Variants in DSE observed in about 807,000 individuals in gnomAD.
DSE encodes dermatan sulfate epimerase.
Under a neutral mutation model 84.4 loss-of-function variants are expected in DSE, and 36 were observed. That is an observed-to-expected ratio of 0.43 (90% confidence interval 0.33 to 0.56). The LOEUF (loss-of-function observed/expected upper bound fraction) is 0.56, where lower values mean the gene tolerates loss of function less well. Ranked by LOEUF, DSE falls within the 20% of genes least tolerant of loss-of-function variation. DSE has a pLI of 0.06. For missense variants in DSE, 862 were observed against 1,169.6 expected (o/e 0.74, Z 3.84); for synonymous variants, 410 against 430.1 (o/e 0.95, Z 0.58).
intron 2 of DSE, 44 bp from the exon 3 acceptor site, chr6:116,426,530 G>A (rs144852407): frequency 2.0e-5 from 32 of 1,593,854 alleles, no homozygotes; most frequent in Middle Eastern, 1.7e-4. Flanking sequence ...GGTGAAAGCT[G>A]TGAGTCTGAT....
At chr6:116,370,494 C>T (rs907343053), upstream of DSE, 3 of 986,384 alleles carry the variant, frequency 3.0e-6, no homozygotes, top group African/African-American at 1.7e-5. Context: ...GGCACCAGTC[C>T]CGGTAGTAAG....
At position 116,437,171 on chromosome 6, in the gene DSE, C is replaced by T; in HGVS notation, c.2703C>T (p.Thr901=). ...SRAPSLSASY[T]RLFLILNIAI... ...CCCCATCACTGTCTGCTTCCTATAC[C>T]AGGTTGTTCCTGATTCTGAACATTG... Residue 901 remains threonine, a synonymous_variant, in exon 6 of 6, where the codon ACC becomes ACT. Transcript: ENST00000644252. 6.2e-7 allele frequency: 1 copy of T among 1,614,118 alleles called. No individual in the cohort carries two copies. The highest frequency in any genetic ancestry group is 8.5e-7 in the Non-Finnish European group (1 of 1,180,004).
At position 116,259,045 on chromosome 6, in the gene DSE, C is replaced by T. The variant is rs905064106; in HGVS notation, c.-54+78C>T. 7.1e-6 allele frequency: 11 copies of T among 1,543,634 alleles called. No individual in the cohort carries two copies. In the Admixed American group the frequency reaches 1.2e-4, roughly 17 times the overall value. On this transcript the variant is annotated intron_variant, in intron 2 of 3. Transcript: ENST00000430252. ...GTCACTGATGTGCACATCATCAGTGCTCCACTTCCCAAAGAGCTTGATGTC... is the reference window on the plus strand; with the variant it reads ...GTCACTGATGTGCACATCATCAGTGTTCCACTTCCCAAAGAGCTTGATGTC...
At chr6:116,360,999 A>G (rs1363397306) in intron 2 of DSE, among the ~76,000 whole-genome samples, 2 of 152,166 alleles carry the variant, frequency 1.3e-5, no homozygotes, top group Non-Finnish European at 2.9e-5. Flanking sequence ...TATAATTTTT[A>G]TCATAGAGCC....
chr6:116,413,189 CATATATAA>C (rs1399972545), intron 2 of DSE, among the ~76,000 whole-genome samples: 2 of 152,140 alleles, frequency 1.3e-5, no homozygotes, highest in African/African-American at 4.8e-5. Flanking sequence ...TTCAACTTTA[CATATATAA>C]ATATATAAAT....
At chr6:116,395,219 A>C (rs1469942600) in intron 1 of DSE, among the ~76,000 whole-genome samples, 2 of 151,818 alleles carry the variant, frequency 1.3e-5, no homozygotes, top group Non-Finnish European at 2.9e-5. Flanking sequence ...AGGTCAAGAG[A>C]GCGAGACCAT....
intron 2 of DSE, among the ~76,000 whole-genome samples, chr6:116,411,647 T>A (rs922675539): frequency 1.3e-5 from 2 of 152,198 alleles, no homozygotes; most frequent in African/African-American, 4.8e-5. Flanking sequence ...AAATAAAATC[T>A]GTATGTATTG....
intron 2 of DSE, among the ~76,000 whole-genome samples, chr6:116,289,464 A>G (rs1774145191): frequency 6.6e-6 from 1 of 152,022 alleles, no homozygotes; most frequent in Admixed American, 6.6e-5. Flanking sequence ...TTTTTTAGGT[A>G]GTATTTAGAT....
intron 2 of DSE, among the ~76,000 whole-genome samples, chr6:116,346,371 T>C (rs1777969950): frequency 6.6e-6 from 1 of 152,134 alleles, no homozygotes; most frequent in Admixed American, 6.5e-5. Flanking sequence ...AAATCCTCAA[T>C]AAAATACTGG....
At chr6:116,278,449 A>C in intron 2 of DSE, 1 of 1,607,214 alleles carries the variant, frequency 6.2e-7, no homozygotes, top group Non-Finnish European at 8.5e-7. Flanking sequence ...CTCATTGCTG[A>C]TGCCCAAGCA....
chr6:116,280,100 AT>A (rs1293174585), intron 2 of DSE: 12 of 544,200 alleles, frequency 2.2e-5, no homozygotes, highest in Admixed American at 2.1e-4. Flanking sequence ...ATAAATGTCG[AT>A]TGTGCTGAGT....
intron 2 of DSE, among the ~76,000 whole-genome samples, chr6:116,298,546 C>T (rs547032378): frequency 6.6e-5 from 10 of 152,168 alleles, no homozygotes; most frequent in Non-Finnish European, 1.2e-4. Flanking sequence ...GGATTACCCT[C>T]TAGAGGTTCC....
chr6:116,269,023 A>AG (rs1197012436), intron 2 of DSE, among the ~76,000 whole-genome samples: 1 of 151,612 alleles, frequency 6.6e-6, no homozygotes, highest in East Asian at 1.9e-4. Flanking sequence ...TACTTTAAAA[A>AG]AAAAAAGAAA....
chr6:116,369,276 C>T (rs1029880583), upstream of DSE, among the ~76,000 whole-genome samples: 19 of 152,084 alleles, frequency 1.2e-4, no homozygotes, highest in African/African-American at 3.9e-4. Flanking sequence ...TGAGAGGTTA[C>T]GTAAATTAAA....
intron 2 of DSE, among the ~76,000 whole-genome samples, chr6:116,348,847 C>T (rs1312773525): frequency 6.6e-6 from 1 of 152,030 alleles, no homozygotes. Context: ...AAGCTGGAAA[C>T]CATCATTCTG....
At chr6:116,365,048 GGCTGATCTCGAACTCC>G (rs746358643) in intron 2 of DSE, among the ~76,000 whole-genome samples, 1 of 151,998 alleles carries the variant, frequency 6.6e-6, no homozygotes, top group African/African-American at 2.4e-5. Flanking sequence ...ATGTTGCCCA[GGCTGATCTCGAACTCC>G]TGGGCTCAAG....
intron 1 of DSE, among the ~76,000 whole-genome samples, chr6:116,381,893 T>C (rs2114948089): frequency 6.6e-6 from 1 of 152,286 alleles, no homozygotes; most frequent in Admixed American, 6.5e-5. Context: ...TAAAAATCTG[T>C]CAGCAGACTG....
intron 2 of DSE, among the ~76,000 whole-genome samples, chr6:116,402,408 C>A (rs543688933): frequency 6.6e-6 from 1 of 152,134 alleles, no homozygotes; most frequent in Non-Finnish European, 1.5e-5. Flanking sequence ...TCTTAATTTG[C>A]GTGAGCATTA....
In DSE at chr6:116,371,093, C is replaced by G; in HGVS notation, c.-82C>G. 2 of 986,132 alleles carry G rather than the reference C, an allele frequency of 2.0e-6. No homozygotes were observed. The highest frequency in any genetic ancestry group is 1.1e-4 in the East Asian group (1 of 8,832). 61.1% of individuals were successfully genotyped at this position (986,132 alleles called of 1,614,324 possible). On this transcript the variant is annotated 5_prime_UTR_variant, in exon 1 of 6. Transcript: ENST00000644252. The stretch of plus-strand genomic sequence containing the variant: ...GCTCTGGAGGCTGCGGAGGCGACGC[C>G]GGAGAGAACGAAGCCTCGGCTGGGA...
Sources: allele counts gnomAD v4.1 joint callset (sites outside exome capture counted in the v4.1 genomes callset), GRCh38; gene constraint gnomAD v4.1.1; transcripts MANE v1.5; gene names NCBI Gene and HGNC (gene_info 2026-07-23, HGNC 2026-07-21).